Variants in SLC35F1 observed in about 807,000 individuals in gnomAD.
SLC35F1 encodes solute carrier family 35 member F1, also known as chromosome 6 open reading frame 169.
A neutral mutation model predicts 48.7 loss-of-function variants in SLC35F1; 14 were observed. That is an observed-to-expected ratio of 0.29 (90% confidence interval 0.19 to 0.45). SLC35F1 has a LOEUF of 0.45. Ranked by LOEUF, SLC35F1 falls within the 20% of genes least tolerant of loss-of-function variation. The probability of loss-of-function intolerance (pLI) is 1.00; values close to 1 mark genes in which losing one functional copy is unlikely to be tolerated. For missense variants in SLC35F1, 404 were observed against 500.0 expected (o/e 0.81, Z 1.83); for synonymous variants, 190 against 202.2 (o/e 0.94, Z 0.51).
At chr6:118,046,543 A>G (rs1255996815) in intron 1 of SLC35F1, among the ~76,000 whole-genome samples, 1 of 152,136 alleles carries the variant, frequency 6.6e-6, no homozygotes, top group African/African-American at 2.4e-5. Context: ...CACAGCTTTG[A>G]GGTGAATGTA....
At chr6:118,107,117 A>G (rs7763206) in intron 1 of SLC35F1, among the ~76,000 whole-genome samples, 15,569 of 152,186 alleles carry the variant, frequency 0.1, 1,772 homozygotes, top group African/African-American at 0.28. Flanking sequence ...GTTTGTTGCC[A>G]TCTCTGGTGC....
intron 2 of SLC35F1, among the ~76,000 whole-genome samples, chr6:118,190,996 C>G (rs1294459438): frequency 6.6e-6 from 1 of 152,156 alleles, no homozygotes; most frequent in Admixed American, 6.5e-5. Flanking sequence ...ATAGCCTTTA[C>G]AGTAGAATCT....
intron 2 of SLC35F1, among the ~76,000 whole-genome samples, chr6:118,230,582 C>T (rs955843624): frequency 6.6e-6 from 1 of 152,046 alleles, no homozygotes; most frequent in African/African-American, 2.4e-5. Flanking sequence ...TACAGTAAAC[C>T]TTCACATAAA....
At position 118,272,617 on chromosome 6, in the gene SLC35F1, A is replaced by G. The variant is rs190278878; in HGVS notation, c.638-2842A>G. On this transcript the variant is annotated intron_variant, in intron 4 of 7. Transcript: ENST00000360388. ...CTGCTGCTTATTTTAATAGGTAAGA[A>G]AAAACAGCTTTAGCTAAGCAAACTT... Among the ~76,000 whole-genome samples the G allele has an allele frequency of 5.1e-3, 777 of 151,926 alleles. 8 individuals are homozygous for G. Among genetic ancestry groups the G allele is most frequent in the African/African-American group, 0.018 (733 of 41,482 alleles).
At chr6:118,002,315 A>G (rs949814710) in intron 1 of SLC35F1, among the ~76,000 whole-genome samples, 5 of 152,178 alleles carry the variant, frequency 3.3e-5, no homozygotes, top group African/African-American at 1.2e-4. Context: ...CATGGATGAA[A>G]TTGGAAATCA....
intron 1 of SLC35F1, among the ~76,000 whole-genome samples, chr6:117,935,665 C>T (rs1776154774): frequency 6.6e-6 from 1 of 152,120 alleles, no homozygotes; most frequent in Non-Finnish European, 1.5e-5. Flanking sequence ...AGCATTTAAA[C>T]AGTGAAATCA....
Position 117,940,790 on chromosome 6 carries a change from A to C in SLC35F1, c.173+32891A>C, listed in dbSNP as rs111415739. Among the ~76,000 whole-genome samples, 1,090 of 152,162 alleles carry C rather than the reference A, an allele frequency of 7.2e-3. 15 individuals carry two copies. The highest frequency in any genetic ancestry group is 0.025 in the African/African-American group (1,037 of 41,494). ...CAGCCACACGAGTAGCTGGGACTAC[A>C]AGCACATGCCGCCACACCCATATAA... On this transcript the variant is annotated intron_variant, in intron 1 of 7. Coordinates refer to ENST00000360388, the MANE Select transcript of SLC35F1 (RefSeq NM_001029858.4).
At chr6:118,229,019 T>A (rs1775254995) in intron 2 of SLC35F1, among the ~76,000 whole-genome samples, 1 of 151,570 alleles carries the variant, frequency 6.6e-6, no homozygotes, top group Admixed American at 6.6e-5. Flanking sequence ...AGACTACCCC[T>A]GGGGTGAACA....
At chr6:118,247,403 A>T (rs1018146453) in intron 3 of SLC35F1, among the ~76,000 whole-genome samples, 14 of 152,326 alleles carry the variant, frequency 9.2e-5, no homozygotes, top group African/African-American at 3.4e-4. Flanking sequence ...TTAGAGTGAA[A>T]GTATCAGGGG....
At chr6:118,208,698 A>C (rs1365359807) in intron 2 of SLC35F1, among the ~76,000 whole-genome samples, 2 of 152,304 alleles carry the variant, frequency 1.3e-5, no homozygotes, top group Non-Finnish European at 2.9e-5. Context: ...CCCATCACAA[A>C]CACCTCTGTT....
chr6:117,929,807 T>A (rs2114811087), intron 1 of SLC35F1, among the ~76,000 whole-genome samples: 1 of 152,274 alleles, frequency 6.6e-6, no homozygotes, highest in African/African-American at 2.4e-5. Context: ...AATATTTGAC[T>A]GAACAGCTGG....
At chr6:118,087,792 G>A (rs867554335) in intron 1 of SLC35F1, among the ~76,000 whole-genome samples, 3 of 152,070 alleles carry the variant, frequency 2.0e-5, no homozygotes, top group Admixed American at 1.3e-4. Flanking sequence ...GAACATTTAC[G>A]TTTATTTAAT....
intron 1 of SLC35F1, among the ~76,000 whole-genome samples, chr6:118,006,774 A>G (rs1777179001): frequency 6.6e-6 from 1 of 152,064 alleles, no homozygotes. Context: ...TAAAAAGTAA[A>G]TGTCCTTCCA....
chr6:118,030,771 A>G (rs1772033821), intron 1 of SLC35F1, among the ~76,000 whole-genome samples: 1 of 152,200 alleles, frequency 6.6e-6, no homozygotes, highest in Non-Finnish European at 1.5e-5. Context: ...TTGGTGATTT[A>G]TAGCTGTTCT....
At chr6:118,305,048 ATGTGTGTGTGTGTG>A (rs758520455) in intron 7 of SLC35F1, among the ~76,000 whole-genome samples, 1,058 of 80,230 alleles carry the variant, frequency 0.013, 23 homozygotes, top group Non-Finnish European at 0.018. Context: ...ATCAACAGGA[ATGTGTGTGTGTGTG>A]TGTGTGTGTG....
chr6:118,121,569 A>G (rs567587529), intron 1 of SLC35F1, among the ~76,000 whole-genome samples: 15 of 152,306 alleles, frequency 9.8e-5, no homozygotes, highest in African/African-American at 3.4e-4. Context: ...GATCATTTCA[A>G]CTAATCAACC....
intron 2 of SLC35F1, among the ~76,000 whole-genome samples, chr6:118,190,106 C>T (rs561586329): frequency 4.6e-5 from 7 of 152,110 alleles, no homozygotes; most frequent in African/African-American, 1.2e-4. Flanking sequence ...CCCTTTTAGT[C>T]GTTTTCTTCA....
chr6:118,118,134 T>G (rs536590752), intron 1 of SLC35F1, among the ~76,000 whole-genome samples: 118 of 152,292 alleles, frequency 7.7e-4, no homozygotes, highest in African/African-American at 2.8e-3. Context: ...GAAATGTATG[T>G]GTAATTTTAT....
In SLC35F1 at chr6:118,311,924, T is replaced by C. The variant is rs1776376956; in HGVS notation, c.1003-2104T>C. Among the ~76,000 whole-genome samples the C allele has an allele frequency of 3.3e-5, 5 of 152,204 alleles. No homozygotes were observed. The South Asian group carries it at 1.0e-3, about 32-fold the overall frequency. On this transcript the variant is annotated intron_variant, in intron 7 of 7. Coordinates refer to ENST00000360388, the MANE Select transcript of SLC35F1 (RefSeq NM_001029858.4). ...ATAATAAGAATGAAGCTAATGTGAATTGAATGTTTACAGCAAGATAGGAAC... is the reference window on the plus strand; with the variant it reads ...ATAATAAGAATGAAGCTAATGTGAACTGAATGTTTACAGCAAGATAGGAAC...
Sources: allele counts gnomAD v4.1 joint callset (sites outside exome capture counted in the v4.1 genomes callset), GRCh38; gene constraint gnomAD v4.1.1; transcripts MANE v1.5; gene names NCBI Gene and HGNC (gene_info 2026-07-23, HGNC 2026-07-21).